ILK: variants seen among roughly 807,000 people sequenced by gnomAD.
ILK encodes integrin linked kinase.
In ILK, 37 loss-of-function variants were observed where a neutral mutation model predicts 57.8. The ratio of observed to expected loss-of-function variants is 0.64; its 90% CI spans 0.49 to 0.84. The LOEUF is 0.84. Ranked by LOEUF, ILK falls within the 40% of genes least tolerant of loss-of-function variation. ILK has a pLI of 0.00. For missense variants in ILK, 528 were observed against 595.7 expected, an observed-to-expected ratio of 0.89 and a Z score of 1.18; for synonymous variants, 231 against 202.2, an observed-to-expected ratio of 1.14 and a Z score of -1.21.
At position 6,609,084 on chromosome 11, in the gene ILK, GAACA is replaced by G. The variant is rs1239937302; in HGVS notation, c.551_554del (p.Lys184ThrfsTer12). On this transcript the variant is annotated frameshift_variant, in exon 7 of 13. Transcript: ENST00000299421. LOFTEE classifies it high-confidence loss of function. ...CCACACTCTTAGGAAATGGAACCCT[GAACA>G]AACACTCTGGCATTGACTTCAAACA... 1.2e-6 allele frequency: 2 copies of G among 1,614,062 alleles called. No homozygotes were observed. Among genetic ancestry groups the G allele is most frequent in the African/African-American group, 2.7e-5 (2 of 74,922 alleles).
Position 6,608,855 on chromosome 11 carries a change from C to T in ILK, c.449-29C>T, listed in dbSNP as rs748288683. The T allele has an allele frequency of 8.7e-6, 14 of 1,613,430 alleles. No individual in the cohort carries two copies. In the Admixed American group the frequency reaches 2.2e-4, roughly 25 times the overall value. ...TTCCCACCTGTCTTCTCCCTCTGTA[C>T]CACAGCTTAGGTTGTTTTTCTTCCC... On this transcript the variant is annotated intron_variant, in intron 5 of 12. Transcript: ENST00000299421. This position sits in a 1 kb window ranked among gnomAD's most constrained non-coding sequence, Gnocchi z 4.9.
rs1454962994 is a variant in ILK, at chr11:6,610,194, G to A, written c.1125G>A (p.Met375Ile). 2 of 1,614,238 alleles carry A rather than the reference G, an allele frequency of 1.2e-6. No individual in the cohort carries two copies. Among genetic ancestry groups the A allele is most frequent in the Non-Finnish European group, 1.7e-6 (2 of 1,180,040 alleles). Residue 375 changes from methionine (M) to isoleucine (I), a missense_variant, in exon 12 of 13, where the codon ATG (methionine) becomes ATA (isoleucine). Physicochemically the swap from Met to Ile is conservative, Grantham distance 10 (BLOSUM62 1). Coordinates refer to ENST00000299421, the MANE Select transcript of ILK (RefSeq NM_004517.4). ...PEDTNRRSAD[M>I]WSFAVLLWEL... Reference sequence around the variant, plus strand: ...ACACAAACAGACGCTCAGCAGACATGTGGAGTTTTGCAGTGCTTCTGTGGG... The same window carrying A: ...ACACAAACAGACGCTCAGCAGACATATGGAGTTTTGCAGTGCTTCTGTGGG...
chr11:6,608,369 C>A lies in ILK; in HGVS notation c.256-25C>A. On this transcript the variant is annotated intron_variant, in intron 3 of 12. Transcript: ENST00000299421. The surrounding 1 kb of genome is among the most constrained non-coding windows in gnomAD (Gnocchi z 4.9). ...GAACTGACTGTACTTTCTGCCTCTT[C>A]TTTTTGTCTGGCCATGGGGTCCAGC... The A allele has an allele frequency of 5.0e-6, 8 of 1,609,860 alleles. No homozygotes were observed. Among genetic ancestry groups the A allele is most frequent in the Non-Finnish European group, 6.8e-6 (8 of 1,176,090 alleles).
chr11:6,604,398 A>G (rs1854611502), intron 2 of ILK, 38 bp downstream of exon 2: 2 of 1,546,618 alleles, frequency 1.3e-6, no homozygotes, highest in African/African-American at 2.7e-5. Flanking sequence ...GGAAGGCTAG[A>G]GATCTCCTGG....
In ILK at chr11:6,610,498, G is replaced by A. The variant is rs775217190; in HGVS notation, c.1246G>A (p.Gly416Ser). 6.2e-7 allele frequency: 1 copy of A among 1,614,212 alleles called. No homozygotes were observed. Among genetic ancestry groups the A allele is most frequent in the South Asian group, 1.1e-5 (1 of 91,080 alleles). The change falls in exon 13 of 13, where the codon GGT (glycine) becomes AGT (serine). Residue 416 changes from glycine (G) to serine (S), a missense_variant. By Grantham distance (56) the Gly-to-Ser change is moderately conservative. Transcript: ENST00000299421. ...AGGCCTTCGGCCTACCATCCCACCA[G>A]GTATTTCCCCTCATGTGTGTAAGCT... ...LEGLRPTIPP[G>S]ISPHVCKLMK...
At chr11:6,604,763 G>A in intron 2 of ILK, 1 of 474,692 alleles carries the variant, frequency 2.1e-6, no homozygotes, top group South Asian at 1.6e-5. Flanking sequence ...GCCAGATCAT[G>A]CAAGCATATT....
chr11:6,608,578 C>A lies in ILK; in HGVS notation c.351+89C>A. On this transcript the variant is annotated intron_variant, in intron 4 of 12. Transcript: ENST00000299421. This position sits in a 1 kb window ranked among gnomAD's most constrained non-coding sequence, Gnocchi z 4.9. ...TTTTGGAACCCTCAACCCATTCTGT[C>A]AGTACTACTGTGTGACACTTACAGG... The A allele has an allele frequency of 7.5e-7, 1 of 1,337,528 alleles. No homozygotes were observed. Among genetic ancestry groups the A allele is most frequent in the South Asian group, 1.2e-5 (1 of 85,456 alleles). The allele number at this position is 1,337,528 out of a possible 1,614,324, so 82.9% of individuals were successfully genotyped here.
In ILK at chr11:6,608,132, G is replaced by A; in HGVS notation, c.176G>A (p.Arg59Gln). 5.6e-6 allele frequency: 9 copies of A among 1,614,124 alleles called. No individual in the cohort carries two copies. Among genetic ancestry groups the A allele is most frequent in the East Asian group, 2.2e-5 (1 of 44,886 alleles). ...GAGATGTTGATCATGCGGGGGGCAC[G>A]GATCAATGTAATGAACCGTGGGGAT... ...VVEMLIMRGA[R>Q]INVMNRGDDT... Residue 59 changes from arginine to glutamine, a missense_variant, in exon 3 of 13, where the codon CGG becomes CAG. Arg to Gln is a conservative substitution (Grantham distance 43). Coordinates refer to ENST00000299421, the MANE Select transcript of ILK (RefSeq NM_004517.4). This position sits in a 1 kb window ranked among gnomAD's most constrained non-coding sequence, Gnocchi z 4.9.
intron 1 of ILK, 143 bp from the exon 2 acceptor site, chr11:6,604,037 G>T (rs570187400): frequency 1.1e-4 from 67 of 601,884 alleles, no homozygotes; most frequent in Non-Finnish European, 1.8e-4. Flanking sequence ...GTCACCCCCT[G>T]CCCACCCTGA....
chr11:6,608,404 A>C lies in ILK; in HGVS notation c.266A>C (p.Tyr89Ser), dbSNP rs1254222245. ...HRDIVQKLLQ[Y>S]KADINAVNEH... is the part of the protein sequence containing the mutation. ...GGCCATGGGGTCCAGCTATTGCAGT[A>C]CAAGGCAGACATCAATGCAGTGAAT... Residue 89 changes from tyrosine (Y) to serine (S), a missense_variant, in exon 4 of 13, where the codon TAC (tyrosine) becomes TCC (serine). Coordinates refer to ENST00000299421, the MANE Select transcript of ILK (RefSeq NM_004517.4). The surrounding 1 kb of genome is among the most constrained non-coding windows in gnomAD (Gnocchi z 4.9). 1 of 1,614,078 alleles carries C rather than the reference A, an allele frequency of 6.2e-7. No homozygotes were observed. The highest frequency in any genetic ancestry group is 8.5e-7 in the Non-Finnish European group (1 of 1,179,910).
intron 2 of ILK, chr11:6,604,678 G>T (rs749822562): frequency 1.2e-5 from 6 of 501,212 alleles, no homozygotes; most frequent in Non-Finnish European, 1.8e-5. Flanking sequence ...GAGGATAGAT[G>T]ATCTCTGTGG....
At position 6,609,187 on chromosome 11, in the gene ILK, C is replaced by T. The variant is rs372184569; in HGVS notation, c.618+31C>T. The T allele has an allele frequency of 8.5e-5, 136 of 1,602,572 alleles. No homozygotes were observed. In the East Asian group the frequency reaches 2.7e-3, roughly 32 times the overall value. On this transcript the variant is annotated intron_variant, in intron 7 of 12. Transcript: ENST00000299421. ...CCCTGCCCTTCTTGCCCTTCCCTCA[C>T]TAAACCCCCATAAATTACTTGCTTT... is the stretch of plus-strand genomic sequence containing the variant.
intron 2 of ILK, 88 bp downstream of exon 2, chr11:6,604,448 G>A: frequency 8.5e-7 from 1 of 1,173,766 alleles, no homozygotes; most frequent in Non-Finnish European, 1.2e-6. Flanking sequence ...GGTGGCGGCT[G>A]CCTTTGCTAG....
chr11:6,605,548 G>C (rs1358717249), intron 2 of ILK, among the ~76,000 whole-genome samples: 1 of 151,828 alleles, frequency 6.6e-6, no homozygotes, highest in Non-Finnish European at 1.5e-5. Context: ...ACATGTGCAG[G>C]TTTGTTGGAT....
chr11:6,608,469 G>A lies in ILK; in HGVS notation c.331G>A (p.Gly111Ser). ...GCCCCTGCACTATGCCTGTTTTTGG[G>A]GCCAAGATCAAGTGGCAGAGGTGAG... is the stretch of plus-strand genomic sequence containing the variant. ...NVPLHYACFWGQDQVAEDLVA... is the reference protein window; with the variant it reads ...NVPLHYACFWSQDQVAEDLVA... Residue 111 changes from glycine (G) to serine (S), a missense_variant, in exon 4 of 13, where the codon GGC becomes AGC. Physicochemically the swap from Gly to Ser is moderately conservative, Grantham distance 56. Transcript: ENST00000299421. This position sits in a 1 kb window ranked among gnomAD's most constrained non-coding sequence, Gnocchi z 4.9. The A allele has an allele frequency of 6.2e-7, 1 of 1,613,980 alleles. No homozygotes were observed.
intron 2 of ILK, among the ~76,000 whole-genome samples, chr11:6,605,740 T>G (rs1349004528): frequency 1.3e-5 from 2 of 152,110 alleles, no homozygotes; most frequent in African/African-American, 2.4e-5. Context: ...CATCTGTGAG[T>G]GTTGTTTCAG....
Position 6,610,133 on chromosome 11 carries a change from G to A in ILK, c.1079-15G>A, listed in dbSNP as rs553103939. 3.7e-6 allele frequency: 6 copies of A among 1,614,098 alleles called. No homozygotes were observed. The highest frequency in any genetic ancestry group is 2.7e-5 in the African/African-American group (2 of 74,936). On this transcript the variant is annotated splice_polypyrimidine_tract_variant and intron_variant, in intron 11 of 12. Coordinates refer to ENST00000299421, the MANE Select transcript of ILK (RefSeq NM_004517.4). ...CAGGCAAGGGGGCCAGAACAGACAA[G>A]CCCTATCTCTCCAGCTCTGCAGAAG... is the stretch of plus-strand genomic sequence containing the variant.
chr11:6,608,023 T>C lies in ILK; in HGVS notation c.90-23T>C. On this transcript the variant is annotated intron_variant, in intron 2 of 12. Coordinates refer to ENST00000299421, the MANE Select transcript of ILK (RefSeq NM_004517.4). This position sits in a 1 kb window ranked among gnomAD's most constrained non-coding sequence, Gnocchi z 4.9. ...TTGCCCCATCCCACCTCCAGCTCAA[T>C]GACCATTGCCCCTTCCTCAAAGGGA... The C allele has an allele frequency of 6.2e-7, 1 of 1,613,374 alleles. No individual in the cohort carries two copies. The highest frequency in any genetic ancestry group is 8.5e-7 in the Non-Finnish European group (1 of 1,179,822).
At chr11:6,606,915 T>C (rs997134245) in intron 2 of ILK, 1 of 152,256 alleles carries the variant, frequency 6.6e-6, no homozygotes, top group Non-Finnish European at 1.5e-5. Context: ...GCGTAATGCT[T>C]CCTGGGGATA....
Sources: gnomAD v4.1 joint callset for allele counts (sites outside exome capture counted in the v4.1 genomes callset) on GRCh38, gnomAD v4.1.1 for gene constraint, Gnocchi (gnomAD v3.1) non-coding constraint, MANE v1.5 for transcripts, NCBI Gene and HGNC (gene_info 2026-07-23, HGNC 2026-07-21) for gene names.